NICOL1: variants seen among roughly 807,000 people sequenced by gnomAD.
The protein encoded by NICOL1 is NELL2 interacting cell ontogeny regulator 1.
At chr4:2,040,955 C>T in the NICOL1 span, among the ~76,000 whole-genome samples, 1 of 151,836 alleles carries the variant, frequency 6.6e-6, no homozygotes, top group Non-Finnish European at 1.5e-5. Context: ...CCGGGAAGAC[C>T]ACCGGCCAGA....
the NICOL1 span, among the ~76,000 whole-genome samples, chr4:2,037,105 A>C: frequency 2.0e-5 from 3 of 152,120 alleles, no homozygotes; most frequent in East Asian, 5.8e-4. Context: ...TGTGTGTAGC[A>C]CTTCCCCCTT....
the NICOL1 span, among the ~76,000 whole-genome samples, chr4:2,041,150 T>TGGGGGGGGGGGGGG: frequency 3.0e-5 from 2 of 65,630 alleles, no homozygotes; most frequent in Admixed American, 1.4e-4. Flanking sequence ...CTGGGTGGGG[T>TGGGGGGGGGGGGGG]GGGGGGGGAG....
the NICOL1 span, among the ~76,000 whole-genome samples, chr4:2,039,715 C>T: frequency 6.6e-6 from 1 of 152,022 alleles, no homozygotes; most frequent in Non-Finnish European, 1.5e-5. Flanking sequence ...TGGCACGCAC[C>T]TGTAGTCCCA....
chr4:2,042,493 C>G, the NICOL1 span: 1 of 413,352 alleles, frequency 2.4e-6, no homozygotes, highest in Non-Finnish European at 4.2e-6. Context: ...GAGTAGGTGC[C>G]GGGGGCCGGG....
At chr4:2,041,065 C>T in the NICOL1 span, among the ~76,000 whole-genome samples, 2 of 149,934 alleles carry the variant, frequency 1.3e-5, no homozygotes, top group Non-Finnish European at 3.0e-5. Flanking sequence ...GGTAGGGGTG[C>T]GGCTCCGCCC....
At chr4:2,042,580 T>C in the NICOL1 span, 1 of 496,282 alleles carries the variant, frequency 2.0e-6, no homozygotes, top group Non-Finnish European at 3.5e-6. Context: ...GCCTCGCCTT[T>C]GTTCCCGGGA....
chr4:2,037,241 A>G, the NICOL1 span, among the ~76,000 whole-genome samples: 1 of 152,168 alleles, frequency 6.6e-6, no homozygotes, highest in Admixed American at 6.5e-5. Context: ...ACTGTGAGTC[A>G]AGGAAACCCT....
the NICOL1 span, among the ~76,000 whole-genome samples, chr4:2,043,143 C>T: frequency 1.3e-5 from 2 of 152,288 alleles, no homozygotes; most frequent in Admixed American, 6.5e-5. Context: ...GGACTGTCAG[C>T]CCAATCCAGG....
At chr4:2,039,230 A>G in the NICOL1 span, among the ~76,000 whole-genome samples, 1 of 152,094 alleles carries the variant, frequency 6.6e-6, no homozygotes, top group Non-Finnish European at 1.5e-5. Flanking sequence ...CCTGGCCAAC[A>G]TGGTGACACC....
the NICOL1 span, among the ~76,000 whole-genome samples, chr4:2,036,598 G>A: frequency 3.3e-5 from 5 of 152,134 alleles, no homozygotes; most frequent in African/African-American, 1.2e-4. Flanking sequence ...GAAGACAGAC[G>A]GAAGCTCCAC....
the NICOL1 span, chr4:2,042,038 G>C: frequency 1.4e-6 from 2 of 1,477,798 alleles, no homozygotes; most frequent in South Asian, 1.3e-5. Context: ...CGGTGTCCCC[G>C]CGCTGCTGGT....
chr4:2,040,707 C>G, the NICOL1 span, among the ~76,000 whole-genome samples: 3 of 152,236 alleles, frequency 2.0e-5, no homozygotes, highest in African/African-American at 7.2e-5. Context: ...CAGCCCCCAC[C>G]CGGCCCCTCG....
chr4:2,043,844 CT>C, the NICOL1 span: 1 of 1,548,568 alleles, frequency 6.5e-7, no homozygotes, highest in South Asian at 1.2e-5. Flanking sequence ...ACCCTCACCC[CT>C]CTTGTTGCTT....
At chr4:2,038,753 T>C in the NICOL1 span, among the ~76,000 whole-genome samples, 3 of 152,254 alleles carry the variant, frequency 2.0e-5, no homozygotes, top group Admixed American at 2.0e-4. Flanking sequence ...AATATTACAC[T>C]ATAATATTGA....
the NICOL1 span, chr4:2,042,493 C>A: frequency 4.8e-6 from 2 of 413,352 alleles, no homozygotes; most frequent in South Asian, 7.6e-5. Flanking sequence ...GAGTAGGTGC[C>A]GGGGGCCGGG....
chr4:2,041,989 GAGCGCA>G, the NICOL1 span: 2 of 1,468,514 alleles, frequency 1.4e-6, no homozygotes, highest in Non-Finnish European at 1.8e-6. Flanking sequence ...GGTCGGGTCG[GAGCGCA>G]TGCGCGTTGC....
At chr4:2,043,740 A>G in the NICOL1 span, 2 of 739,700 alleles carry the variant, frequency 2.7e-6, no homozygotes, top group East Asian at 3.0e-5. Context: ...GGTTAGAGCC[A>G]GGGCCTGACC....
chr4:2,042,273 C>T, the NICOL1 span: 1 of 976,780 alleles, frequency 1.0e-6, no homozygotes, highest in Non-Finnish European at 1.4e-6. Context: ...GGGACGGGGG[C>T]TCACCGGCCC....
At chr4:2,043,362 G>A in the NICOL1 span, among the ~76,000 whole-genome samples, 65 of 152,250 alleles carry the variant, frequency 4.3e-4, no homozygotes, top group African/African-American at 1.5e-3. Context: ...TTGTGCCGGG[G>A]CTCAAGCTTC....
Sources: gnomAD v4.1 joint callset for allele counts (sites outside exome capture counted in the v4.1 genomes callset) on GRCh38, gnomAD v4.1.1 for gene constraint, MANE v1.5 for transcripts, NCBI Gene and HGNC (gene_info 2026-07-23, HGNC 2026-07-21) for gene names.